Variants in APCDD1L observed in about 807,000 individuals in gnomAD.
APCDD1L encodes the protein APC down-regulated 1 like.
Under a neutral mutation model 24.2 loss-of-function variants are expected in APCDD1L, and 21 were observed. That is an observed-to-expected ratio of 0.87 (90% CI 0.61 to 1.25). The LOEUF (loss-of-function observed/expected upper bound fraction) is 1.25, where lower values mean the gene tolerates loss of function less well. APCDD1L is among the 50% of genes most tolerant of loss of function. APCDD1L has a pLI of 0.00. For missense variants in APCDD1L, 704 were observed against 711.7 expected, an observed-to-expected ratio of 0.99 and a Z score of 0.12; for synonymous variants, 321 against 323.6, an observed-to-expected ratio of 0.99 and a Z score of 0.09.
At chr20:58,475,688 C>T (rs1052436085) in intron 1 of APCDD1L, among the ~76,000 whole-genome samples, 1 of 152,040 alleles carries the variant, frequency 6.6e-6, no homozygotes, top group Non-Finnish European at 1.5e-5. Flanking sequence ...ACGACAAAGA[C>T]CACACGCTGA....
chr20:58,507,712 G>A (rs1036479201), intron 1 of APCDD1L, among the ~76,000 whole-genome samples: 2 of 152,086 alleles, frequency 1.3e-5, no homozygotes, highest in Admixed American at 1.3e-4. Flanking sequence ...AAGCTTGGGT[G>A]AAAAAACAGC....
chr20:58,486,236 A>G (rs1239300333), intron 1 of APCDD1L, among the ~76,000 whole-genome samples: 1 of 152,236 alleles, frequency 6.6e-6, no homozygotes, highest in Non-Finnish European at 1.5e-5. Context: ...AAAATTGAGC[A>G]AACAGCATGA....
rs1990711899 is a variant in APCDD1L at position 58,514,891 on chromosome 20, T to C, written c.-184A>G. The C allele has an allele frequency of 4.8e-6, 2 of 415,442 alleles. No homozygotes were observed. Among genetic ancestry groups the C allele is most frequent in the Non-Finnish European group, 4.0e-6 (1 of 247,500 alleles). 25.7% of individuals were successfully genotyped at this position (415,442 alleles called of 1,614,324 possible). The stretch of plus-strand genomic sequence containing the variant: ...CTCAGCCTTCCCGGCTGTTGATAGT[T>C]GTAAGCGGAGCTGCGCACTCATAGG... On this transcript the variant is annotated 5_prime_UTR_variant, in exon 1 of 4. Coordinates refer to ENST00000371149, the MANE Select transcript of APCDD1L (RefSeq NM_153360.3).
chr20:58,509,595 A>G (rs1024537353), intron 1 of APCDD1L, among the ~76,000 whole-genome samples: 6 of 152,180 alleles, frequency 3.9e-5, no homozygotes, highest in Admixed American at 1.3e-4. Flanking sequence ...GTGGACACAG[A>G]GAAGGCTCAG....
rs747473741 is a variant in APCDD1L at position 58,460,745 on chromosome 20, G to A, written c.*45C>T. The A allele has an allele frequency of 6.6e-7, 1 of 1,505,752 alleles. No homozygotes were observed. Among genetic ancestry groups the A allele is most frequent in the Admixed American group, 2.3e-5 (1 of 43,280 alleles). 93.3% of individuals were successfully genotyped at this position (1,505,752 alleles called of 1,614,324 possible). A position where few individuals can be genotyped will look rare whatever the true frequency, so the allele number is the denominator to read the frequency against. ...CAGCTGCCAGGAGGGAGTCTGAAGG[G>A]TTGAATGGGTGTCCAGAGCCGCCAT... On this transcript the variant is annotated 3_prime_UTR_variant, in exon 4 of 4. Coordinates refer to ENST00000371149, the MANE Select transcript of APCDD1L (RefSeq NM_153360.3). The surrounding 1 kb of genome is among the most constrained non-coding windows in gnomAD (Gnocchi z 4.2).
chr20:58,514,259 C>G (rs1459222060), intron 1 of APCDD1L, among the ~76,000 whole-genome samples: 1 of 151,876 alleles, frequency 6.6e-6, no homozygotes, highest in Non-Finnish European at 1.5e-5. Context: ...GCAAAAACAA[C>G]CCCAGTAACC....
chr20:58,460,727 C>G lies in APCDD1L; in HGVS notation c.*63G>C. On this transcript the variant is annotated 3_prime_UTR_variant, in exon 4 of 4. Coordinates refer to ENST00000371149, the MANE Select transcript of APCDD1L (RefSeq NM_153360.3). The surrounding 1 kb of genome is among the most constrained non-coding windows in gnomAD (Gnocchi z 4.2). ...AGAATGGTTCCTTCCCTACAGCTGC[C>G]AGGAGGGAGTCTGAAGGGTTGAATG... is the stretch of plus-strand genomic sequence containing the variant. 6 of 1,482,902 alleles carry G rather than the reference C, an allele frequency of 4.0e-6. No homozygotes were observed. The highest frequency in any genetic ancestry group is 5.4e-6 in the Non-Finnish European group (6 of 1,111,738). 91.9% of individuals were successfully genotyped at this position (1,482,902 alleles called of 1,614,324 possible). A position where few individuals can be genotyped will look rare whatever the true frequency, so the allele number is the denominator to read the frequency against.
intron 1 of APCDD1L, among the ~76,000 whole-genome samples, chr20:58,476,139 C>A (rs1189079421): frequency 6.6e-6 from 1 of 152,118 alleles, no homozygotes; most frequent in African/African-American, 2.4e-5. Context: ...CCCAGGTGAC[C>A]CAACTATCAT....
chr20:58,514,053 C>T (rs1161051942), intron 1 of APCDD1L: 5 of 976,550 alleles, frequency 5.1e-6, no homozygotes, highest in African/African-American at 1.7e-5. Context: ...CCCACCCCCA[C>T]GAAGAGCCAC....
In APCDD1L at chr20:58,514,644, G is replaced by C; in HGVS notation, c.49+15C>G. 7.6e-7 allele frequency: 1 copy of C among 1,314,194 alleles called. No homozygotes were observed. The highest frequency in any genetic ancestry group is 9.8e-7 in the Non-Finnish European group (1 of 1,024,586). The allele number at this position is 1,314,194 out of a possible 1,614,324, so 81.4% of individuals were successfully genotyped here. On this transcript the variant is annotated intron_variant, in intron 1 of 3. Transcript: ENST00000371149. ...AGCTCAGCCAGTTTGCCGGGTGGGG[G>C]AGGGTGGCACCTACCTCCCAAAAGC...
rs555228663 is a variant in APCDD1L, at chr20:58,467,147, A to G, written c.700T>C (p.Tyr234His). 2 of 1,608,236 alleles carry G rather than the reference A, an allele frequency of 1.2e-6. No individual in the cohort carries two copies. Among genetic ancestry groups the G allele is most frequent in the South Asian group, 2.2e-5 (2 of 91,032 alleles). ...IHTDPAERRHYRPTGYQRPLQ... is the reference protein window; with the variant it reads ...IHTDPAERRHHRPTGYQRPLQ... The stretch of plus-strand genomic sequence containing the variant: ...GGGCGCTGGTAGCCCGTGGGCCGGT[A>G]GTGCCGCCTCTCCGCCGGGTCGGTG... The change falls in exon 3 of 4, where the codon TAC (tyrosine) becomes CAC (histidine). Residue 234 changes from tyrosine to histidine, a missense_variant. Transcript: ENST00000371149. This position sits in a 1 kb window ranked among gnomAD's most constrained non-coding sequence, Gnocchi z 5.9.
At chr20:58,464,430 G>A (rs557222676) in intron 3 of APCDD1L, among the ~76,000 whole-genome samples, 1 of 152,274 alleles carries the variant, frequency 6.6e-6, no homozygotes, top group African/African-American at 2.4e-5. Context: ...CAAGGTTCCC[G>A]GCTCCATGGG....
Position 58,470,741 on chromosome 20 carries a change from G to T in APCDD1L, c.56C>A (p.Thr19Asn), listed in dbSNP as rs1989797262. 1 of 1,536,700 alleles carries T rather than the reference G, an allele frequency of 6.5e-7. No individual in the cohort carries two copies. Among genetic ancestry groups the T allele is most frequent in the Non-Finnish European group, 8.7e-7 (1 of 1,146,152 alleles). ...CCCGGCCTCCCCAGCCGCCGGTGCA[G>T]TGTGGGCTGCAAAGCAGACAGACCT... The part of the protein sequence containing the change: ...ACVLVLLGAH[T>N]APAAGEAGGS... Residue 19 changes from threonine to asparagine, a missense_variant, in exon 2 of 4, where the codon ACT (threonine) becomes AAT (asparagine). Thr to Asn is a moderately conservative substitution (Grantham distance 65). Transcript: ENST00000371149.
rs1320425347 is a variant in APCDD1L at position 58,473,186 on chromosome 20, C to A, written c.50-2439G>T. The stretch of plus-strand genomic sequence containing the variant: ...GCAAATTATCTTGTCATTGTTTCCA[C>A]AAAACTTGGGCTCTTGAGGAAATGT... On this transcript the variant is annotated intron_variant, in intron 1 of 3. Coordinates refer to ENST00000371149, the MANE Select transcript of APCDD1L (RefSeq NM_153360.3). 2.0e-5 allele frequency among the ~76,000 whole-genome samples: 3 copies of A among 152,126 alleles called. No homozygotes were observed. The East Asian group carries it at 5.8e-4, about 29-fold the overall frequency.
chr20:58,496,211 T>C (rs1342867661), intron 1 of APCDD1L, among the ~76,000 whole-genome samples: 1 of 152,136 alleles, frequency 6.6e-6, no homozygotes, highest in Non-Finnish European at 1.5e-5. Context: ...TGGGAGAGGC[T>C]GGGGAGGGAC....
intron 3 of APCDD1L, among the ~76,000 whole-genome samples, chr20:58,464,483 C>T (rs1270715371): frequency 2.0e-5 from 3 of 152,194 alleles, no homozygotes; most frequent in Non-Finnish European, 2.9e-5. Flanking sequence ...AAGTCTCATG[C>T]GTTAATAAAC....
chr20:58,472,322 G>A (rs746171505), intron 1 of APCDD1L, among the ~76,000 whole-genome samples: 2 of 152,278 alleles, frequency 1.3e-5, no homozygotes, highest in East Asian at 1.9e-4. Flanking sequence ...CCCTGGAGTC[G>A]GTGTTAGCAT....
chr20:58,473,245 T>C (rs553333931), intron 1 of APCDD1L, among the ~76,000 whole-genome samples: 13 of 152,246 alleles, frequency 8.5e-5, no homozygotes, highest in South Asian at 4.2e-4. Flanking sequence ...GCTTTTTTTT[T>C]CCCCCTGCAC....
chr20:58,468,441 C>T (rs953087409), intron 2 of APCDD1L, among the ~76,000 whole-genome samples: 5 of 152,114 alleles, frequency 3.3e-5, no homozygotes, highest in African/African-American at 1.2e-4. Flanking sequence ...GGGGATGGGG[C>T]AGAGGAGGCC....
Sources: gnomAD v4.1 joint callset for allele counts (sites outside exome capture counted in the v4.1 genomes callset) on GRCh38, gnomAD v4.1.1 for gene constraint, Gnocchi (gnomAD v3.1) non-coding constraint, MANE v1.5 for transcripts, NCBI Gene and HGNC (gene_info 2026-07-23, HGNC 2026-07-21) for gene names.